The following FANCI variants were observed in gnomAD, a reference collection of about 807,000 sequenced individuals.
FANCI encodes the protein FA complementation group I.
FANCI carries 156 observed loss-of-function variants against 176.1 expected under a neutral mutation model. The ratio of observed to expected loss-of-function variants is 0.89; its 90% CI spans 0.78 to 1.01. The LOEUF is 1.01. Among genes scored for constraint, FANCI ranks in the 50% least tolerant of loss-of-function variants. The pLI, the probability that FANCI is intolerant of heterozygous loss-of-function variation, is 0.00. For synonymous variants in FANCI, 613 were observed against 541.7 expected (o/e 1.13, Z -1.83); for missense variants, 1,678 against 1,534.1 (o/e 1.09, Z -1.57).
intron 10 of FANCI, among the ~76,000 whole-genome samples, chr15:89,271,400 T>C (rs887836486): frequency 6.6e-6 from 1 of 152,260 alleles, no homozygotes; most frequent in African/African-American, 2.4e-5. Flanking sequence ...AATGGAATTA[T>C]ATGATATGTG....
intron 10 of FANCI, among the ~76,000 whole-genome samples, chr15:89,272,685 T>C (rs2053243894): frequency 6.6e-6 from 1 of 152,178 alleles, no homozygotes; most frequent in Non-Finnish European, 1.5e-5. Flanking sequence ...AAAAATGTTT[T>C]TTATGTCTCT....
In FANCI at chr15:89,316,563, G is replaced by A. The variant is rs1386328271; in HGVS notation, c.*104G>A. 2.4e-6 allele frequency: 3 copies of A among 1,274,208 alleles called. No individual in the cohort carries two copies. Among genetic ancestry groups the A allele is most frequent in the Non-Finnish European group, 3.4e-6 (3 of 891,498 alleles). 78.9% of individuals were successfully genotyped at this position (1,274,208 alleles called of 1,614,324 possible). On this transcript the variant is annotated 3_prime_UTR_variant, in exon 38 of 38. Transcript: ENST00000310775. ...TAGTCCACACCGATGTTGGCATCTT[G>A]GTTCTGAACCCACTGAATTCAACTG...
rs2054709514 is a variant in FANCI, at chr15:89,306,167, C to T, written c.3510C>T (p.Tyr1170=). 4 of 1,614,020 alleles carry T rather than the reference C, an allele frequency of 2.5e-6. No homozygotes were observed. Among genetic ancestry groups the T allele is most frequent in the Non-Finnish European group, 3.4e-6 (4 of 1,180,020 alleles). ...DTLLKDLCKM[Y]TTLTALVRYY... The stretch of plus-strand genomic sequence containing the variant: ...TGTTAAAGGACTTGTGCAAAATGTA[C>T]ACCACACTTACAGCCCTTGTCAGAT... Residue 1170 remains tyrosine, a synonymous_variant, in exon 32 of 38, where the codon TAC becomes TAT. Transcript: ENST00000310775.
Position 89,307,485 on chromosome 15 carries a change from G to A in FANCI, c.3547G>A (p.Val1183Met). ...LTALVRYYLQ[V>M]CQSSGGIPKN... ...AATCTTTTTTTATTAGTATCTCCAG[G>A]TGTGTCAGAGCTCCGGAGGAATTCC... The change falls in exon 33 of 38, where the codon GTG (valine) becomes ATG (methionine). Residue 1183 changes from valine (V) to methionine (M), a missense_variant. This residue lies in a region of FANCI where 1,204 missense variants were observed against 1,077.4 expected (regional missense o/e 1.12). Transcript: ENST00000310775. The A allele has an allele frequency of 6.2e-7, 1 of 1,614,066 alleles. No individual in the cohort carries two copies. The highest frequency in any genetic ancestry group is 8.5e-7 in the Non-Finnish European group (1 of 1,179,974).
chr15:89,315,650 C>T (rs1218049720), intron 37 of FANCI, among the ~76,000 whole-genome samples: 1 of 149,114 alleles, frequency 6.7e-6, no homozygotes, highest in Non-Finnish European at 1.5e-5. Flanking sequence ...GGGTCCTCTT[C>T]CTGTTAATCT....
chr15:89,257,992 C>T (rs751738383), intron 2 of FANCI, among the ~76,000 whole-genome samples: 6 of 152,182 alleles, frequency 3.9e-5, no homozygotes, highest in Non-Finnish European at 2.9e-5. Context: ...TAAGATTCTT[C>T]ATAATCTGGT....
chr15:89,262,736 T>TG (rs1433195200), intron 6 of FANCI, among the ~76,000 whole-genome samples: 1 of 152,264 alleles, frequency 6.6e-6, no homozygotes, highest in Non-Finnish European at 1.5e-5. Context: ...TAATATACCT[T>TG]GCATTTTTTA....
chr15:89,283,078 C>T (rs934889774), intron 16 of FANCI, 58 bp from the exon 17 acceptor site: 2 of 1,568,336 alleles, frequency 1.3e-6, no homozygotes, highest in Non-Finnish European at 1.8e-6. Context: ...TTTTTCTGAC[C>T]CAGAAGCATA....
At chr15:89,316,263 T>A in intron 37 of FANCI, 134 bp from the exon 38 acceptor site, 2 of 888,826 alleles carry the variant, frequency 2.3e-6, no homozygotes, top group Non-Finnish European at 3.6e-6. Context: ...TTACCTCCTG[T>A]GAGTGGGAAA....
chr15:89,303,783 G>C, intron 27 of FANCI, 81 bp from the exon 28 acceptor site: 1 of 1,228,408 alleles, frequency 8.1e-7, no homozygotes, highest in Non-Finnish European at 1.2e-6. Flanking sequence ...GATATGGAAA[G>C]GTCTAGAACT....
chr15:89,274,599 C>CTTTTTTTTTTTTTTTTTTTTTTTTTTTTT (rs1157910630), intron 12 of FANCI, among the ~76,000 whole-genome samples: 2 of 82,836 alleles, frequency 2.4e-5, no homozygotes, highest in African/African-American at 5.2e-5. Flanking sequence ...TCTTTCTTTC[C>CTTTTTTTTTTTTTTTTTTTTTTTTTTTTT]TTTTTTTTTT....
rs372343510 is a variant in FANCI, at chr15:89,299,981, A to T, written c.2803+15A>T. 3.7e-6 allele frequency: 6 copies of T among 1,613,548 alleles called. No homozygotes were observed. The African/African-American group carries it at 6.7e-5, about 18-fold the overall frequency. ...CAGAGCTCTGGGTAAGCATTGCAGT[A>T]TCAATAAATAGGCTTGATTTAGGTT... On this transcript the variant is annotated intron_variant, in intron 25 of 37. Coordinates refer to ENST00000310775, the MANE Select transcript of FANCI (RefSeq NM_001113378.2).
chr15:89,305,927 G>A, intron 31 of FANCI, 80 bp from the exon 32 acceptor site: 1 of 1,430,376 alleles, frequency 7.0e-7, no homozygotes, highest in Admixed American at 1.7e-5. Context: ...CTAGTTAGTA[G>A]TAATCAATTT....
chr15:89,270,112 C>T (rs143116318), intron 10 of FANCI, among the ~76,000 whole-genome samples: 180 of 152,264 alleles, frequency 1.2e-3, no homozygotes, highest in Middle Eastern at 6.8e-3. Flanking sequence ...CACTGGCCTT[C>T]CTTTGATTTT....
chr15:89,311,032 C>T (rs770907775), intron 34 of FANCI, among the ~76,000 whole-genome samples: 3 of 151,508 alleles, frequency 2.0e-5, no homozygotes, highest in Admixed American at 6.6e-5. Context: ...CTGAGGCAGG[C>T]GGATCACAAG....
intron 37 of FANCI, 56 bp downstream of exon 37, chr15:89,315,445 T>C: frequency 8.2e-7 from 1 of 1,225,548 alleles, no homozygotes; most frequent in Non-Finnish European, 1.2e-6. Flanking sequence ...GTTAGCAGCC[T>C]ATCTGGGAGC....
At chr15:89,308,175 A>T (rs2054800766) in intron 34 of FANCI, 2 of 1,039,074 alleles carry the variant, frequency 1.9e-6, no homozygotes, top group South Asian at 7.2e-5. Context: ...CAGTTTTTTA[A>T]CCTCACCACT....
In FANCI at chr15:89,292,716, G is replaced by A; in HGVS notation, c.2021G>A (p.Cys674Tyr). 6.2e-7 allele frequency: 1 copy of A among 1,613,784 alleles called. No homozygotes were observed. The highest frequency in any genetic ancestry group is 1.7e-5 in the Admixed American group (1 of 60,016). Residue 674 changes from cysteine (C) to tyrosine (Y), a missense_variant, in exon 21 of 38, where the codon TGT becomes TAT. Physicochemically the swap from Cys to Tyr is radical, Grantham distance 194. This residue lies in a region of FANCI where 1,204 missense variants were observed against 1,077.4 expected (regional missense o/e 1.12). Transcript: ENST00000310775. ...TATCTGCTGTGTTGTATTCAGCATT[G>A]TTTGGCCTGGTATAAGAATACAGTC... is the stretch of plus-strand genomic sequence containing the variant. The part of the protein sequence containing the change: ...LDYLLCCIQH[C>Y]LAWYKNTVIP...
intron 26 of FANCI, 91 bp from the exon 27 acceptor site, chr15:89,301,235 C>G (rs1252454452): frequency 2.4e-6 from 2 of 850,574 alleles, no homozygotes; most frequent in South Asian, 1.3e-5. Context: ...TCTTTCTGTC[C>G]TAGTCTTAGG....
Sources: gnomAD v4.1 joint callset for allele counts (sites outside exome capture counted in the v4.1 genomes callset) on GRCh38, gnomAD v4.1.1 for gene constraint, gnomAD v4.1.1 regional missense constraint, MANE v1.5 for transcripts, NCBI Gene and HGNC (gene_info 2026-07-23, HGNC 2026-07-21) for gene names.